The following TM2D1 variants were observed in gnomAD, a reference collection of about 807,000 sequenced individuals.
The protein encoded by TM2D1 is TM2 domain containing 1.
Under a neutral mutation model 28.4 loss-of-function variants are expected in TM2D1, and 15 were observed. The observed-to-expected ratio is 0.53, with a 90% CI of 0.35 to 0.81. The LOEUF is 0.81. Ranked by LOEUF, TM2D1 falls within the 40% of genes least tolerant of loss-of-function variation. TM2D1 has a pLI of 0.01. For missense variants in TM2D1, 236 were observed against 254.9 expected, an observed-to-expected ratio of 0.93 and a Z score of 0.50; for synonymous variants, 93 against 96.2, an observed-to-expected ratio of 0.97 and a Z score of 0.20.
At chr1:61,688,990 T>C (rs1038521424) in intron 5 of TM2D1, among the ~76,000 whole-genome samples, 11 of 152,104 alleles carry the variant, frequency 7.2e-5, no homozygotes, top group African/African-American at 2.7e-4. Flanking sequence ...TGAGCTGAGA[T>C]CGTGCCACTG....
chr1:61,716,345 T>TTA lies in TM2D1; in HGVS notation c.239-6910_239-6909dup, dbSNP rs1462810533. On this transcript the variant is annotated intron_variant, in intron 2 of 6. Transcript: ENST00000606498. ...CTCTCCGCCAACCCCCCAACAAATA[T>TTA]TATATACATATTTAATTTTATATAT... is the stretch of plus-strand genomic sequence containing the variant. Among the ~76,000 whole-genome samples, 352 of 147,040 alleles carry TTA rather than the reference T, an allele frequency of 2.4e-3. 1 individual carries two copies. The highest frequency in any genetic ancestry group is 8.2e-3 in the African/African-American group (330 of 40,374).
At chr1:61,721,951 TAAAAAA>T in intron 2 of TM2D1, among the ~76,000 whole-genome samples, 1 of 44,026 alleles carries the variant, frequency 2.3e-5, no homozygotes, top group South Asian at 1.1e-3. Flanking sequence ...TCTCTACAGC[TAAAAAA>T]AAAAAAAAAA....
At chr1:61,687,443 T>C (rs1403784641) in intron 5 of TM2D1, among the ~76,000 whole-genome samples, 1 of 152,222 alleles carries the variant, frequency 6.6e-6, no homozygotes, top group East Asian at 1.9e-4. Flanking sequence ...TAGTATCTTA[T>C]TTGCACTTAA....
In TM2D1 at chr1:61,700,961, G is replaced by A. The variant is rs755719917; in HGVS notation, c.412C>T (p.Arg138Ter). The change falls in exon 4 of 7, where the codon CGA becomes TGA. Residue 138 changes from arginine to a stop codon, truncating the protein, a stop_gained. Coordinates refer to ENST00000606498, the MANE Select transcript of TM2D1 (RefSeq NM_032027.3). LOFTEE classifies it high-confidence loss of function. ...AAAGCAGGGTATCCAAGGTAAAATC[G>A]ATCTGCTCCCAACCATCCAAGAAAA... ...SLFLGWLGADRFYLGYPALGL... is the reference protein window; with the variant it reads ...SLFLGWLGAD 2 of 1,608,140 alleles carry A rather than the reference G, an allele frequency of 1.2e-6. No individual in the cohort carries two copies. The highest frequency in any genetic ancestry group is 1.7e-6 in the Non-Finnish European group (2 of 1,177,448).
chr1:61,707,368 T>C (rs1251141504), intron 3 of TM2D1, among the ~76,000 whole-genome samples: 2 of 152,224 alleles, frequency 1.3e-5, no homozygotes, highest in South Asian at 2.1e-4. Context: ...GGAAATTAAG[T>C]AACAGACCAT....
At chr1:61,721,071 A>G (rs1209916827) in intron 2 of TM2D1, among the ~76,000 whole-genome samples, 1 of 151,910 alleles carries the variant, frequency 6.6e-6, no homozygotes, top group Non-Finnish European at 1.5e-5. Context: ...CCTCCAAAAA[A>G]ATACAAAAAA....
intron 3 of TM2D1, among the ~76,000 whole-genome samples, chr1:61,705,309 C>T (rs946329826): frequency 6.6e-6 from 1 of 152,096 alleles, no homozygotes; most frequent in African/African-American, 2.4e-5. Flanking sequence ...GCCTCAGCTC[C>T]TGAGTAGCTG....
At chr1:61,708,100 C>G (rs1052020511) in intron 3 of TM2D1, among the ~76,000 whole-genome samples, 4 of 152,066 alleles carry the variant, frequency 2.6e-5, no homozygotes, top group African/African-American at 7.2e-5. Context: ...AGGGTCTCTA[C>G]TCTGTTACTG....
At chr1:61,716,065 A>G (rs955651314) in intron 2 of TM2D1, among the ~76,000 whole-genome samples, 2 of 151,672 alleles carry the variant, frequency 1.3e-5, no homozygotes, top group Non-Finnish European at 2.9e-5. Flanking sequence ...TCGGCCTCCC[A>G]AAGTGCTGGG....
intron 2 of TM2D1, among the ~76,000 whole-genome samples, chr1:61,715,189 T>C (rs1644507627): frequency 6.6e-6 from 1 of 152,100 alleles, no homozygotes; most frequent in Non-Finnish European, 1.5e-5. Context: ...TGAGAGAAAC[T>C]CAGAATGATT....
intron 2 of TM2D1, among the ~76,000 whole-genome samples, chr1:61,718,290 CAAA>C (rs11356996): frequency 2.1e-5 from 3 of 142,562 alleles, no homozygotes; most frequent in Admixed American, 1.4e-4. Flanking sequence ...ACCCCATCTC[CAAA>C]AAAAAAAAAG....
intron 4 of TM2D1, chr1:61,697,424 TG>T (rs1644371289): frequency 6.6e-6 from 1 of 152,012 alleles, no homozygotes; most frequent in Non-Finnish European, 1.5e-5. Flanking sequence ...AGGTTGGTCT[TG>T]AACTCCTGGC....
At chr1:61,691,932 A>ATATATATATATAT (rs1553140879) in intron 5 of TM2D1, among the ~76,000 whole-genome samples, 70 of 76,374 alleles carry the variant, frequency 9.2e-4, no homozygotes, top group Non-Finnish European at 1.5e-3. Flanking sequence ...AAAAAAAAAA[A>ATATATATATATAT]ATATATATAT....
At chr1:61,691,427 A>G (rs1322854918) in intron 5 of TM2D1, among the ~76,000 whole-genome samples, 5 of 146,132 alleles carry the variant, frequency 3.4e-5, no homozygotes, top group Admixed American at 2.1e-4. Context: ...CCTGGGAGGC[A>G]GAGGTTGCAG....
intron 3 of TM2D1, among the ~76,000 whole-genome samples, chr1:61,706,849 A>C (rs2148054598): frequency 6.6e-6 from 1 of 151,850 alleles, no homozygotes; most frequent in East Asian, 2.0e-4. Flanking sequence ...AAAGAAAGAA[A>C]GAAAGAAAGA....
intron 5 of TM2D1, among the ~76,000 whole-genome samples, chr1:61,690,479 A>C (rs1378770822): frequency 1.6e-4 from 23 of 145,382 alleles, no homozygotes; most frequent in Non-Finnish European, 3.5e-4. Context: ...AAAAAAAAAA[A>C]AACACAAAAC....
intron 2 of TM2D1, among the ~76,000 whole-genome samples, chr1:61,715,832 G>A (rs12748618): frequency 6.6e-6 from 1 of 150,596 alleles, no homozygotes; most frequent in Non-Finnish European, 1.5e-5. Flanking sequence ...GACGGAGTCT[G>A]GCTCTGTCAC....
chr1:61,711,476 C>T (rs1009907030), intron 2 of TM2D1, among the ~76,000 whole-genome samples: 2 of 152,004 alleles, frequency 1.3e-5, no homozygotes, highest in Middle Eastern at 3.4e-3. Context: ...ATGGAGAGAT[C>T]CCCATCTCTA....
At chr1:61,723,128 G>A (rs548759156) in intron 2 of TM2D1, among the ~76,000 whole-genome samples, 1 of 152,162 alleles carries the variant, frequency 6.6e-6, no homozygotes, top group South Asian at 2.1e-4. Context: ...AATCATTTTG[G>A]TGCCAACTGA....
Sources: allele counts gnomAD v4.1 joint callset (sites outside exome capture counted in the v4.1 genomes callset), GRCh38; gene constraint gnomAD v4.1.1; transcripts MANE v1.5; gene names NCBI Gene and HGNC (gene_info 2026-07-23, HGNC 2026-07-21).